C2CD3: variants seen among roughly 807,000 people sequenced by gnomAD.
C2CD3 encodes C2 domain-containing protein 3.
In C2CD3, 148 loss-of-function variants were observed where a neutral mutation model predicts 234.0. That is an observed-to-expected ratio of 0.63 (90% confidence interval 0.55 to 0.72). The LOEUF is 0.72. Among genes scored for constraint, C2CD3 ranks in the 30% least tolerant of loss-of-function variants. C2CD3 has a pLI of 0.00. For missense variants in C2CD3, 2,577 were observed against 2,811.5 expected, an observed-to-expected ratio of 0.92 and a Z score of 1.89; for synonymous variants, 1,000 against 1,035.4, an observed-to-expected ratio of 0.97 and a Z score of 0.66.
At chr11:74,089,951 A>G (rs79265621) in intron 20 of C2CD3, among the ~76,000 whole-genome samples, 2,754 of 152,340 alleles carry the variant, frequency 0.018, 29 homozygotes, top group Non-Finnish European at 0.029. Context: ...TATTCAAGGC[A>G]GAGAGAAGTA....
At chr11:74,040,369 C>T (rs114895022) in intron 29 of C2CD3, among the ~76,000 whole-genome samples, 3,333 of 152,176 alleles carry the variant, frequency 0.022, 69 homozygotes, top group African/African-American at 0.047. Flanking sequence ...GTCTATAGCA[C>T]TATTGATCAA....
intron 2 of C2CD3, chr11:74,164,237 T>G (rs1210854775): frequency 4.2e-6 from 4 of 960,830 alleles, no homozygotes; most frequent in Non-Finnish European, 4.9e-6. Context: ...TCCTACTAAC[T>G]GAATCCTATC....
intron 7 of C2CD3, among the ~76,000 whole-genome samples, chr11:74,131,150 T>C (rs1957663445): frequency 6.6e-6 from 1 of 151,728 alleles, no homozygotes; most frequent in South Asian, 2.1e-4. Context: ...ATGTGGTTTT[T>C]GTTTTTTATT....
chr11:74,150,675 G>T (rs956185572), intron 3 of C2CD3, among the ~76,000 whole-genome samples: 1 of 151,282 alleles, frequency 6.6e-6, no homozygotes, highest in Admixed American at 6.6e-5. Context: ...TTTGTTACTG[G>T]ATTATTGTGA....
rs759126292 is a variant in C2CD3, at chr11:74,034,161, C to T, written c.5999G>A (p.Arg2000Gln). 25 of 1,536,184 alleles carry T rather than the reference C, an allele frequency of 1.6e-5. No homozygotes were observed. The highest frequency in any genetic ancestry group is 5.9e-5 in the Admixed American group (3 of 50,984). The change falls in exon 31 of 33, where the codon CGA (arginine) becomes CAA (glutamine). Residue 2000 changes from arginine to glutamine, a missense_variant. Arg to Gln is a conservative substitution (Grantham distance 43). Transcript: ENST00000334126. The stretch of plus-strand genomic sequence containing the variant: ...CAATGGCTCATCTGGCATTGTGCAT[C>T]GTTCTTGCAGTGCTTCTGTGTCCTG... ...DAQDTEALQE[R>Q]CTMPDEPLVR...
intron 7 of C2CD3, among the ~76,000 whole-genome samples, chr11:74,126,480 C>T (rs1287581462): frequency 2.0e-5 from 3 of 152,150 alleles, no homozygotes; most frequent in Non-Finnish European, 2.9e-5. Flanking sequence ...ATGGTGCTCA[C>T]GCCTGTAATC....
At chr11:74,044,524 T>C (rs1193567759) in intron 28 of C2CD3, among the ~76,000 whole-genome samples, 1 of 152,152 alleles carries the variant, frequency 6.6e-6, no homozygotes, top group Non-Finnish European at 1.5e-5. Context: ...ACTTTCTTGA[T>C]GGTATCACTT....
rs761248745 is a variant in C2CD3, at chr11:74,037,702, T to C, written c.5661-4A>G. ...ATCAAGCTCACTCAGATTCTTCCTA[T>C]AAACAAAAGGGGGAGAAGAAGACAA... On this transcript the variant is annotated splice_region_variant and splice_polypyrimidine_tract_variant and intron_variant, in intron 29 of 32. Transcript: ENST00000334126. 1.2e-6 allele frequency: 2 copies of C among 1,608,018 alleles called. No homozygotes were observed. The highest frequency in any genetic ancestry group is 1.7e-6 in the Non-Finnish European group (2 of 1,175,622).
At chr11:74,028,533 C>G (rs1452792799) in intron 31 of C2CD3, 135 bp from the exon 32 acceptor site, 8 of 633,766 alleles carry the variant, frequency 1.3e-5, no homozygotes, top group Non-Finnish European at 1.4e-5. Flanking sequence ...AAATTCTTTG[C>G]TCAGCTGGCT....
chr11:74,046,502 A>G (rs185352396), intron 28 of C2CD3, among the ~76,000 whole-genome samples: 63 of 151,934 alleles, frequency 4.1e-4, no homozygotes, highest in African/African-American at 1.4e-3. Flanking sequence ...CAAATTTTTA[A>G]TTTTTTTGTG....
chr11:74,077,026 T>C (rs1022979488), intron 23 of C2CD3, among the ~76,000 whole-genome samples: 4 of 152,162 alleles, frequency 2.6e-5, no homozygotes, highest in Non-Finnish European at 5.9e-5. Flanking sequence ...TAACAAGTAC[T>C]AAACAAATGT....
chr11:74,021,596 A>C (rs1414019024), intron 32 of C2CD3, among the ~76,000 whole-genome samples: 2 of 152,224 alleles, frequency 1.3e-5, no homozygotes, highest in Non-Finnish European at 2.9e-5. Flanking sequence ...CTTAGAAATA[A>C]GTGAAGAAAG....
At chr11:74,082,390 C>T (rs1357113747) in intron 22 of C2CD3, among the ~76,000 whole-genome samples, 8 of 152,280 alleles carry the variant, frequency 5.3e-5, no homozygotes, top group East Asian at 3.9e-4. Context: ...GCTGGGATTA[C>T]AGGTGTGAGC....
intron 23 of C2CD3, among the ~76,000 whole-genome samples, chr11:74,077,107 T>A (rs181181052): frequency 1.3e-5 from 2 of 152,264 alleles, no homozygotes; most frequent in African/African-American, 4.8e-5. Context: ...GCTCTGTTTA[T>A]TACCATATAG....
rs532240164 is a variant in C2CD3, at chr11:74,083,826, C to A, written c.4000+1055G>T. On this transcript the variant is annotated intron_variant, in intron 22 of 32. Coordinates refer to ENST00000334126, the MANE Select transcript of C2CD3 (RefSeq NM_001286577.2). ...TGGAGAGGATGTGGAGAAATAGGAA[C>A]GCTTTTACACTGTTGGTGGGAGTGT... Among the ~76,000 whole-genome samples, 7 of 152,272 alleles carry A rather than the reference C, an allele frequency of 4.6e-5. No individual in the cohort carries two copies. The East Asian group carries it at 1.4e-3, about 29-fold the overall frequency.
At chr11:74,145,227 T>C (rs1029096393) in intron 3 of C2CD3, among the ~76,000 whole-genome samples, 5 of 152,228 alleles carry the variant, frequency 3.3e-5, no homozygotes, top group African/African-American at 1.2e-4. Flanking sequence ...CTTGTCAGCA[T>C]ATGTTATTTT....
At chr11:74,037,151 A>C (rs1845501943) in intron 30 of C2CD3, among the ~76,000 whole-genome samples, 1 of 152,170 alleles carries the variant, frequency 6.6e-6, no homozygotes, top group Non-Finnish European at 1.5e-5. Context: ...CCACTCATCT[A>C]ATCTACCCCA....
At position 74,151,180 on chromosome 11, in the gene C2CD3, TCC is replaced by T. The variant is rs545583175; in HGVS notation, c.483+10217_483+10218del. Reference sequence around the variant, plus strand: ...ACCTGGTGATCCGCCCGCCTCGGCCTCCCAAAGTGCTGGGATTACAGGCGTCA... The same window carrying T: ...ACCTGGTGATCCGCCCGCCTCGGCCTCAAAGTGCTGGGATTACAGGCGTCA... On this transcript the variant is annotated intron_variant, in intron 3 of 32. Transcript: ENST00000334126. Among the ~76,000 whole-genome samples the T allele has an allele frequency of 1.9e-4, 29 of 152,272 alleles. No individual in the cohort carries two copies. The East Asian group carries it at 5.2e-3, about 27-fold the overall frequency.
At chr11:74,102,464 A>G (rs1956351777) in intron 14 of C2CD3, among the ~76,000 whole-genome samples, 1 of 152,244 alleles carries the variant, frequency 6.6e-6, no homozygotes, top group East Asian at 1.9e-4. Context: ...CATGGAAGTT[A>G]TCTTCATAAA....
Sources: allele counts gnomAD v4.1 joint callset (sites outside exome capture counted in the v4.1 genomes callset), GRCh38; gene constraint gnomAD v4.1.1; transcripts MANE v1.5; gene names NCBI Gene and HGNC (gene_info 2026-07-23, HGNC 2026-07-21).